Variants in DENND1B observed in about 807,000 individuals in gnomAD.
The protein encoded by DENND1B is DENN domain containing 1B.
In DENND1B, 59 loss-of-function variants were observed where a neutral mutation model predicts 90.1. The ratio of observed to expected loss-of-function variants is 0.65; its 90% confidence interval spans 0.53 to 0.81. The LOEUF (loss-of-function observed/expected upper bound fraction) is 0.81, where lower values mean the gene tolerates loss of function less well. Among genes scored for constraint, DENND1B ranks in the 40% least tolerant of loss-of-function variants. DENND1B has a pLI of 0.00. For synonymous variants in DENND1B, 337 were observed against 324.6 expected (o/e 1.04, Z -0.41); for missense variants, 862 against 912.6 (o/e 0.94, Z 0.71).
intron 14 of DENND1B, among the ~76,000 whole-genome samples, chr1:197,592,674 C>T (rs542759636): frequency 6.6e-6 from 1 of 152,214 alleles, no homozygotes; most frequent in Admixed American, 6.5e-5. Flanking sequence ...AGGCAGAATT[C>T]TCTGAACTGA....
rs139056668 is a variant in DENND1B at position 197,580,087 on chromosome 1, CTTTTTT to C, written c.1149+3059_1149+3064del. Among the ~76,000 whole-genome samples, 119 of 76,760 alleles carry C rather than the reference CTTTTTT, an allele frequency of 1.6e-3. 1 individual carries two copies. Among genetic ancestry groups the C allele is most frequent in the South Asian group, 6.2e-3 (11 of 1,772 alleles). The allele number at this position is 76,760 out of a possible 152,430, so 50.4% of individuals were successfully genotyped here. A position where few individuals can be genotyped will look rare whatever the true frequency, so the allele number is the denominator to read the frequency against. On this transcript the variant is annotated intron_variant, in intron 15 of 22. Transcript: ENST00000620048. ...TAATTTTTCTTTCTTTTCTTTCTTT[CTTTTTT>C]TTTTTTTTTTTTTTTTGAGATAAGA...
intron 3 of DENND1B, among the ~76,000 whole-genome samples, chr1:197,713,782 A>ATAT (rs369738450): frequency 0.78 from 49,024 of 62,924 alleles, 19,201 homozygotes; most frequent in East Asian, 0.86. Context: ...TTATTATATT[A>ATAT]TATTATAATA....
At chr1:197,652,946 A>C (rs1653399319) in intron 6 of DENND1B, among the ~76,000 whole-genome samples, 1 of 152,070 alleles carries the variant, frequency 6.6e-6, no homozygotes, top group Non-Finnish European at 1.5e-5. Context: ...ATCCAGTAAT[A>C]AATATACAAA....
intron 13 of DENND1B, among the ~76,000 whole-genome samples, chr1:197,604,438 A>T (rs1303628647): frequency 6.6e-6 from 1 of 151,212 alleles, no homozygotes; most frequent in Non-Finnish European, 1.5e-5. Context: ...ATTGGAATGA[A>T]GCCATTAAGA....
At chr1:197,562,324 T>C (rs933203952) in intron 15 of DENND1B, among the ~76,000 whole-genome samples, 1 of 151,932 alleles carries the variant, frequency 6.6e-6, no homozygotes, top group Non-Finnish European at 1.5e-5. Flanking sequence ...CTTTTACAAA[T>C]TGAAGGTTTG....
In DENND1B at chr1:197,539,965, T is replaced by C; in HGVS notation, c.1514A>G (p.Gln505Arg). Residue 505 changes from glutamine (Q) to arginine (R), a missense_variant and splice_region_variant, in exon 20 of 23, where the codon CAG (glutamine) becomes CGG (arginine). Gln to Arg is a conservative substitution (Grantham distance 43, BLOSUM62 1). Transcript: ENST00000620048. The stretch of plus-strand genomic sequence containing the variant: ...TGAAGGGTAAATAACCTTACTTACC[T>C]GAGCAAGCTTACGCTTTTCTGAGTT... The part of the protein sequence containing the change: ...GGNSEKRKLA[Q>R]ARLKRPLKSL... 2.5e-6 allele frequency: 4 copies of C among 1,609,436 alleles called. No individual in the cohort carries two copies. Among genetic ancestry groups the C allele is most frequent in the Non-Finnish European group, 3.4e-6 (4 of 1,176,482 alleles).
intron 13 of DENND1B, chr1:197,606,351 T>C (rs915501615): frequency 6.6e-6 from 1 of 151,064 alleles, no homozygotes; most frequent in African/African-American, 2.4e-5. Flanking sequence ...AAAGACAGTT[T>C]TCGTCATTTC....
intron 22 of DENND1B, among the ~76,000 whole-genome samples, 161 bp from the exon 23 acceptor site, chr1:197,511,133 G>A (rs561765927): frequency 6.6e-6 from 1 of 151,864 alleles, no homozygotes; most frequent in South Asian, 2.1e-4. Context: ...TCTATTAACA[G>A]GGATGAAATG....
chr1:197,552,213 A>C (rs1017084097), intron 16 of DENND1B: 1 of 982,356 alleles, frequency 1.0e-6, no homozygotes, highest in Non-Finnish European at 1.2e-6. Context: ...GAAGTTTAAA[A>C]AATTGCTATT....
rs201905153 is a variant in DENND1B at position 197,510,352 on chromosome 1, CA to C, written c.*107del. 526 of 1,283,092 alleles carry C rather than the reference CA, an allele frequency of 4.1e-4. No individual in the cohort carries two copies. Among genetic ancestry groups the C allele is most frequent in the South Asian group, 8.7e-4 (50 of 57,452 alleles). 79.5% of individuals were successfully genotyped at this position (1,283,092 alleles called of 1,614,324 possible). A position where few individuals can be genotyped will look rare whatever the true frequency, so the allele number is the denominator to read the frequency against. ...ACAAGTGAGAAAAATGTTGCAAATG[CA>C]AAAAAAAATTTAAATAGTATGAGTT... On this transcript the variant is annotated 3_prime_UTR_variant, in exon 23 of 23. Transcript: ENST00000620048.
intron 3 of DENND1B, among the ~76,000 whole-genome samples, chr1:197,696,169 C>A (rs532567184): frequency 2.1e-4 from 32 of 151,308 alleles, no homozygotes; most frequent in African/African-American, 7.5e-4. Context: ...TAGCTGGCTG[C>A]CTGCCATTCA....
chr1:197,560,760 T>C, intron 15 of DENND1B, among the ~76,000 whole-genome samples: 1 of 151,870 alleles, frequency 6.6e-6, no homozygotes, highest in East Asian at 1.9e-4. Context: ...GCAATTCTAT[T>C]TTACTTTGCA....
Position 197,607,175 on chromosome 1 carries a change from C to G in DENND1B, c.820-1G>C. On this transcript the variant is annotated splice_acceptor_variant, in intron 12 of 22. Transcript: ENST00000620048. LOFTEE classifies it high-confidence loss of function. ...CTTCCAATGATTTGTTTTTCACTCTCTATAAAAAAAACACAATTATGAATA... is the reference window on the plus strand; with the variant it reads ...CTTCCAATGATTTGTTTTTCACTCTGTATAAAAAAAACACAATTATGAATA... 2.2e-6 allele frequency: 3 copies of G among 1,383,978 alleles called. No homozygotes were observed. The highest frequency in any genetic ancestry group is 2.9e-6 in the Non-Finnish European group (3 of 1,048,160). The allele number at this position is 1,383,978 out of a possible 1,614,324, so 85.7% of individuals were successfully genotyped here.
intron 21 of DENND1B, 83 bp downstream of exon 21, chr1:197,512,788 T>C (rs1211153221): frequency 8.0e-7 from 1 of 1,245,054 alleles, no homozygotes; most frequent in African/African-American, 1.5e-5. Flanking sequence ...TAAGAGTGCA[T>C]ACTCTTTGAA....
chr1:197,525,884 G>T (rs181595168), intron 20 of DENND1B, among the ~76,000 whole-genome samples: 172 of 152,016 alleles, frequency 1.1e-3, no homozygotes, highest in African/African-American at 3.7e-3. Flanking sequence ...TACTATAAAC[G>T]TCAAAGACAC....
chr1:197,727,914 C>A (rs907327537), intron 2 of DENND1B, among the ~76,000 whole-genome samples: 4 of 152,230 alleles, frequency 2.6e-5, no homozygotes, highest in Admixed American at 2.6e-4. Flanking sequence ...GAAAGTTCTT[C>A]CCAATGTCCA....
intron 2 of DENND1B, among the ~76,000 whole-genome samples, chr1:197,715,361 T>G (rs1259668233): frequency 6.6e-6 from 1 of 151,920 alleles, no homozygotes; most frequent in African/African-American, 2.4e-5. Flanking sequence ...CACTTTTTAT[T>G]GACATACTTT....
chr1:197,580,083 C>CTT (rs1473733442), intron 15 of DENND1B, among the ~76,000 whole-genome samples: 1 of 100,178 alleles, frequency 1.0e-5, no homozygotes, highest in Non-Finnish European at 2.0e-5. Flanking sequence ...TCTTTTCTTT[C>CTT]TTTCTTTTTT....
At chr1:197,709,900 G>T (rs1185496803) in intron 3 of DENND1B, among the ~76,000 whole-genome samples, 1 of 128,568 alleles carries the variant, frequency 7.8e-6, no homozygotes, top group Non-Finnish European at 1.6e-5. Context: ...CAAGCCAATG[G>T]AAAACAAAAA....
Sources: gnomAD v4.1 joint callset for allele counts (sites outside exome capture counted in the v4.1 genomes callset) on GRCh38, gnomAD v4.1.1 for gene constraint, MANE v1.5 for transcripts, NCBI Gene and HGNC (gene_info 2026-07-23, HGNC 2026-07-21) for gene names.